The following SLC39A11 variants were observed in gnomAD, a reference collection of about 807,000 sequenced individuals.
SLC39A11 encodes the protein zinc transporter ZIP11.
A neutral mutation model predicts 36.1 loss-of-function variants in SLC39A11; 33 were observed. That is an observed-to-expected ratio of 0.91 (90% CI 0.69 to 1.22). The LOEUF (loss-of-function observed/expected upper bound fraction) is 1.22, where lower values mean the gene tolerates loss of function less well. Ranked by LOEUF, SLC39A11 falls within the 50% of genes most tolerant of loss-of-function variation. The probability of loss-of-function intolerance (pLI) is 0.00; values close to 1 mark genes in which losing one functional copy is unlikely to be tolerated. For synonymous variants in SLC39A11, 166 were observed against 170.3 expected (o/e 0.97, Z 0.20); for missense variants, 432 against 430.3 (o/e 1.00, Z -0.03).
chr17:72,875,267 G>T (rs1188489850), intron 5 of SLC39A11, among the ~76,000 whole-genome samples: 2 of 152,160 alleles, frequency 1.3e-5, no homozygotes, highest in Non-Finnish European at 1.5e-5. Context: ...GAATTTGCCA[G>T]CAAGGCTAAG....
intron 7 of SLC39A11, among the ~76,000 whole-genome samples, chr17:72,706,611 C>T (rs2072904426): frequency 6.6e-6 from 1 of 152,216 alleles, no homozygotes; most frequent in Middle Eastern, 3.2e-3. Flanking sequence ...TCAGCTTGTT[C>T]ACTCTTGCCT....
intron 6 of SLC39A11, among the ~76,000 whole-genome samples, chr17:72,780,934 C>T (rs1211455257): frequency 6.6e-6 from 1 of 152,184 alleles, no homozygotes; most frequent in Non-Finnish European, 1.5e-5. Flanking sequence ...TTGTGGTGAG[C>T]TCAGATCGCG....
intron 5 of SLC39A11, among the ~76,000 whole-genome samples, chr17:72,855,629 G>A (rs565226618): frequency 1.2e-3 from 190 of 152,292 alleles, no homozygotes; most frequent in Middle Eastern, 0.01. Flanking sequence ...GGGTGCGGTG[G>A]CTCACGCCTG....
chr17:72,955,981 G>A (rs759687551), intron 4 of SLC39A11, among the ~76,000 whole-genome samples: 5 of 152,018 alleles, frequency 3.3e-5, no homozygotes, highest in Admixed American at 6.6e-5. Flanking sequence ...ACATGAGGAC[G>A]GGTAGATACC....
intron 7 of SLC39A11, among the ~76,000 whole-genome samples, chr17:72,690,880 G>A (rs1053932219): frequency 6.6e-6 from 1 of 152,158 alleles, no homozygotes; most frequent in Non-Finnish European, 1.5e-5. Flanking sequence ...GTGCAGGGCT[G>A]GGAGGGGAGA....
chr17:73,062,837 C>T (rs1054308191), intron 3 of SLC39A11, among the ~76,000 whole-genome samples: 1 of 152,154 alleles, frequency 6.6e-6, no homozygotes. Context: ...ATCCCTTGCA[C>T]GTGCAGTTCA....
intron 5 of SLC39A11, among the ~76,000 whole-genome samples, chr17:72,888,892 A>G (rs2081577083): frequency 6.6e-6 from 1 of 151,978 alleles, no homozygotes. Context: ...GTATAGCAAG[A>G]CCCTGTCTCT....
chr17:72,983,157 T>A (rs975300228), intron 4 of SLC39A11, among the ~76,000 whole-genome samples: 1 of 110,258 alleles, frequency 9.1e-6, no homozygotes, highest in East Asian at 2.6e-4. Flanking sequence ...TTTGTTTTTG[T>A]TTTTTTTTTT....
At chr17:72,939,270 G>A (rs1297849127) in intron 5 of SLC39A11, among the ~76,000 whole-genome samples, 1 of 152,124 alleles carries the variant, frequency 6.6e-6, no homozygotes, top group East Asian at 1.9e-4. Flanking sequence ...AAACCAGCCT[G>A]GCCAACATGG....
intron 5 of SLC39A11, among the ~76,000 whole-genome samples, chr17:72,914,604 G>A (rs2147159929): frequency 6.6e-6 from 1 of 152,006 alleles, no homozygotes; most frequent in Non-Finnish European, 1.5e-5. Context: ...GAATAGGCCG[G>A]GTGCAGTGGC....
intron 6 of SLC39A11, among the ~76,000 whole-genome samples, chr17:72,792,084 G>C (rs1303854142): frequency 6.6e-6 from 1 of 152,148 alleles, no homozygotes; most frequent in Non-Finnish European, 1.5e-5. Flanking sequence ...TCACTGCAGT[G>C]GTGAGGGAGA....
chr17:72,777,851 A>G (rs79808868), intron 6 of SLC39A11, among the ~76,000 whole-genome samples: 47 of 142,978 alleles, frequency 3.3e-4, no homozygotes, highest in East Asian at 3.0e-3. Context: ...CACTGTGTGT[A>G]TGTATGTATG....
In SLC39A11 at chr17:73,000,917, G is replaced by A. The variant is rs2089783371; in HGVS notation, c.306+30639C>T. Among the ~76,000 whole-genome samples, 3 of 152,206 alleles carry A rather than the reference G, an allele frequency of 2.0e-5. No homozygotes were observed. In the South Asian group the frequency reaches 6.2e-4, roughly 32 times the overall value. On this transcript the variant is annotated intron_variant, in intron 4 of 9. Transcript: ENST00000255559. ...AAAAGGGACACGTTCCTTTCTGTCT[G>A]CTGACTATTGTTGTGAGCTTTACCC...
In SLC39A11 at chr17:72,933,687, G is replaced by C. The variant is rs1315367111; in HGVS notation, c.430+14065C>G. Among the ~76,000 whole-genome samples, 3 of 152,010 alleles carry C rather than the reference G, an allele frequency of 2.0e-5. No homozygotes were observed. In the East Asian group the frequency reaches 5.8e-4, roughly 29 times the overall value. ...GGCGCGCACCACCAAACCCAGCTAAGTTTTGTATTTTTAGTAAAGATGGGG... is the reference window on the plus strand; with the variant it reads ...GGCGCGCACCACCAAACCCAGCTAACTTTTGTATTTTTAGTAAAGATGGGG... On this transcript the variant is annotated intron_variant, in intron 5 of 9. Transcript: ENST00000255559.
chr17:72,941,392 C>T (rs1567990478), intron 5 of SLC39A11, among the ~76,000 whole-genome samples: 1 of 152,136 alleles, frequency 6.6e-6, no homozygotes, highest in South Asian at 2.1e-4. Context: ...TTCCAGCCTC[C>T]AGAACTGTGA....
At chr17:73,049,402 G>A (rs960132044) in intron 3 of SLC39A11, among the ~76,000 whole-genome samples, 6 of 152,308 alleles carry the variant, frequency 3.9e-5, no homozygotes, top group Admixed American at 6.5e-5. Context: ...CTGGGCGGAC[G>A]CGCCTTCCAG....
chr17:72,977,330 G>A (rs1344059794), intron 4 of SLC39A11, among the ~76,000 whole-genome samples: 4 of 152,166 alleles, frequency 2.6e-5, no homozygotes, highest in African/African-American at 9.7e-5. Context: ...AAGGGACTCC[G>A]AAATCCAGAT....
intron 6 of SLC39A11, among the ~76,000 whole-genome samples, chr17:72,754,039 TATATATACACATACACACACACAC>T (rs1459739433): frequency 1.7e-4 from 19 of 109,744 alleles, no homozygotes; most frequent in Middle Eastern, 4.3e-3. Context: ...TATATATATA[TATATATACACATACACACACACAC>T]ACACACACAC....
intron 5 of SLC39A11, among the ~76,000 whole-genome samples, chr17:72,908,511 GGGC>G (rs1180480840): frequency 2.0e-5 from 3 of 152,308 alleles, no homozygotes; most frequent in African/African-American, 7.2e-5. Flanking sequence ...TCTCTGCCAA[GGGC>G]AGGAGAACTG....
Sources: allele counts gnomAD v4.1 joint callset (sites outside exome capture counted in the v4.1 genomes callset), GRCh38; gene constraint gnomAD v4.1.1; transcripts MANE v1.5; gene names NCBI Gene and HGNC (gene_info 2026-07-23, HGNC 2026-07-21).